Variants in GNA14 observed in about 807,000 individuals in gnomAD.
GNA14 encodes the protein guanine nucleotide-binding protein subunit alpha-14.
A neutral mutation model predicts 42.0 loss-of-function variants in GNA14; 50 were observed. The observed-to-expected ratio is 1.19, with a 90% CI of 0.95 to 1.51. The LOEUF (loss-of-function observed/expected upper bound fraction) is 1.51, where lower values mean the gene tolerates loss of function less well. GNA14 is among the 40% of genes most tolerant of loss of function. GNA14 has a pLI of 0.00. For missense variants in GNA14, 473 were observed against 446.2 expected, an observed-to-expected ratio of 1.06 and a Z score of -0.54; for synonymous variants, 173 against 163.1, an observed-to-expected ratio of 1.06 and a Z score of -0.46.
At chr9:77,592,374 C>T (rs1823403980) in intron 1 of GNA14, among the ~76,000 whole-genome samples, 1 of 152,162 alleles carries the variant, frequency 6.6e-6, no homozygotes, top group Non-Finnish European at 1.5e-5. Context: ...TGTTAACTTG[C>T]TCTAAGAGAT....
intron 2 of GNA14, among the ~76,000 whole-genome samples, chr9:77,491,810 T>G (rs1317128487): frequency 6.6e-6 from 1 of 152,180 alleles, no homozygotes; most frequent in African/African-American, 2.4e-5. Flanking sequence ...TTAGACCAAA[T>G]AGGCCTAACT....
At chr9:77,610,695 T>C (rs756302841) in intron 1 of GNA14, among the ~76,000 whole-genome samples, 5 of 152,214 alleles carry the variant, frequency 3.3e-5, no homozygotes, top group Non-Finnish European at 7.3e-5. Flanking sequence ...CCAATATCTA[T>C]GAGTTTGATC....
At chr9:77,520,470 T>C (rs1013548667) in intron 2 of GNA14, among the ~76,000 whole-genome samples, 1 of 152,234 alleles carries the variant, frequency 6.6e-6, no homozygotes, top group African/African-American at 2.4e-5. Flanking sequence ...GCATCACTGA[T>C]AATGATTCTA....
chr9:77,493,442 A>T (rs139622466), intron 2 of GNA14, among the ~76,000 whole-genome samples: 494 of 152,270 alleles, frequency 3.2e-3, no homozygotes, highest in Non-Finnish European at 5.6e-3. Context: ...ACCAACAGTG[A>T]TTTGCTTTTT....
intron 5 of GNA14, among the ~76,000 whole-genome samples, chr9:77,428,254 AT>A (rs955191918): frequency 1.3e-5 from 2 of 151,038 alleles, no homozygotes; most frequent in Admixed American, 1.3e-4. Context: ...AATTTTTTGT[AT>A]TTTTTAGTAG....
chr9:77,480,933 C>T (rs143587424), intron 2 of GNA14, among the ~76,000 whole-genome samples: 3,997 of 152,026 alleles, frequency 0.026, 181 homozygotes, highest in African/African-American at 0.091. Flanking sequence ...TTTGATTCTT[C>T]TCTCTTTTCT....
intron 5 of GNA14, 64 bp downstream of exon 5, chr9:77,428,843 C>T: frequency 6.4e-7 from 1 of 1,559,236 alleles, no homozygotes; most frequent in South Asian, 1.2e-5. Context: ...ACCCGGCTGC[C>T]TTCTTAGAAA....
At chr9:77,541,026 T>C (rs1013874663) in intron 1 of GNA14, among the ~76,000 whole-genome samples, 54 of 152,178 alleles carry the variant, frequency 3.5e-4, no homozygotes, top group African/African-American at 1.3e-3. Context: ...TTTGTTCATT[T>C]CTTTTTCTCT....
chr9:77,484,203 C>T (rs1213088518), intron 2 of GNA14, among the ~76,000 whole-genome samples: 1 of 152,050 alleles, frequency 6.6e-6, no homozygotes, highest in Non-Finnish European at 1.5e-5. Flanking sequence ...CAATCTAGCT[C>T]AGAGTAGGAG....
chr9:77,452,919 G>A (rs527504811), intron 2 of GNA14, among the ~76,000 whole-genome samples: 17 of 151,720 alleles, frequency 1.1e-4, no homozygotes, highest in Non-Finnish European at 2.4e-4. Context: ...ACTGCTTGAC[G>A]CCAGGAGTTC....
intron 1 of GNA14, among the ~76,000 whole-genome samples, chr9:77,642,771 AAAAC>A (rs751158441): frequency 1.7e-3 from 254 of 152,300 alleles, no homozygotes; most frequent in African/African-American, 4.8e-3. Context: ...TCTGTCTCAA[AAAAC>A]AAACAAACAA....
intron 2 of GNA14, among the ~76,000 whole-genome samples, chr9:77,472,028 TG>T (rs1836340027): frequency 6.6e-6 from 1 of 152,194 alleles, no homozygotes; most frequent in Non-Finnish European, 1.5e-5. Flanking sequence ...CTAATTCTCT[TG>T]GAGTTATATT....
chr9:77,593,585 C>A (rs942220612), intron 1 of GNA14, among the ~76,000 whole-genome samples: 12 of 152,158 alleles, frequency 7.9e-5, no homozygotes, highest in African/African-American at 2.7e-4. Flanking sequence ...GCTGGAATTA[C>A]AGGTGTGAGC....
intron 1 of GNA14, among the ~76,000 whole-genome samples, chr9:77,572,030 C>T (rs916554533): frequency 1.3e-5 from 2 of 151,956 alleles, no homozygotes; most frequent in Non-Finnish European, 2.9e-5. Context: ...TGAGGAGCAA[C>T]TGAAAGAGAG....
At chr9:77,436,395 T>C (rs561368429) in intron 2 of GNA14, among the ~76,000 whole-genome samples, 9 of 152,338 alleles carry the variant, frequency 5.9e-5, no homozygotes, top group Middle Eastern at 3.4e-3. Context: ...GTGTTACTTA[T>C]ATGTAAGTAG....
chr9:77,570,604 T>C (rs1354150920), intron 1 of GNA14, among the ~76,000 whole-genome samples: 1 of 152,238 alleles, frequency 6.6e-6, no homozygotes, highest in African/African-American at 2.4e-5. Context: ...TATTCTATTA[T>C]GGCTATTCCA....
intron 2 of GNA14, among the ~76,000 whole-genome samples, chr9:77,466,616 TTTTG>T (rs3052366): frequency 3.0e-4 from 45 of 151,936 alleles, no homozygotes; most frequent in East Asian, 7.8e-4. Context: ...CAAGCCTGTT[TTTTG>T]TTTGTTTGTT....
At position 77,462,927 on chromosome 9, in the gene GNA14, T is replaced by C. The variant is rs1836139490; in HGVS notation, c.310-28405A>G. The stretch of plus-strand genomic sequence containing the variant: ...TAGATCTGCTGCACTTAGTCTTCCC[T>C]GTGGGGCTCCGTGCCTCTCCAGCAG... On this transcript the variant is annotated intron_variant, in intron 2 of 6. Coordinates refer to ENST00000341700, the MANE Select transcript of GNA14 (RefSeq NM_004297.4). Among the ~76,000 whole-genome samples the C allele has an allele frequency of 2.0e-5, 3 of 152,138 alleles. No homozygotes were observed. In the South Asian group the frequency reaches 6.2e-4, roughly 32 times the overall value.
chr9:77,547,944 A>G (rs558261764), intron 1 of GNA14, among the ~76,000 whole-genome samples: 2 of 152,350 alleles, frequency 1.3e-5, no homozygotes, highest in East Asian at 1.9e-4. Flanking sequence ...ATGGAGAGGA[A>G]GAAGCAAATG....
Sources: gnomAD v4.1 joint callset for allele counts (sites outside exome capture counted in the v4.1 genomes callset) on GRCh38, gnomAD v4.1.1 for gene constraint, MANE v1.5 for transcripts, NCBI Gene and HGNC (gene_info 2026-07-23, HGNC 2026-07-21) for gene names.